RASGEF1C: variants seen among roughly 807,000 people sequenced by gnomAD.
The protein encoded by RASGEF1C is RasGEF domain family member 1C, also known as ras-GEF domain-containing family member 1C.
A neutral mutation model predicts 58.1 loss-of-function variants in RASGEF1C; 27 were observed. The ratio of observed to expected loss-of-function variants is 0.46; its 90% CI spans 0.34 to 0.64. The LOEUF is 0.64. Ranked by LOEUF, RASGEF1C falls within the 30% of genes least tolerant of loss-of-function variation. RASGEF1C has a pLI of 0.01. For synonymous variants in RASGEF1C, 243 were observed against 246.3 expected (o/e 0.99, Z 0.13); for missense variants, 502 against 605.1 (o/e 0.83, Z 1.79).
At chr5:180,124,969 C>CA (rs766551870) in intron 6 of RASGEF1C, among the ~76,000 whole-genome samples, 4 of 151,942 alleles carry the variant, frequency 2.6e-5, no homozygotes, top group Non-Finnish European at 5.9e-5. Flanking sequence ...CCTGTCTCCA[C>CA]AAAAAATACC....
At chr5:180,127,506 G>C in intron 6 of RASGEF1C, 103 bp downstream of exon 6, 14 of 1,177,550 alleles carry the variant, frequency 1.2e-5, no homozygotes, top group Non-Finnish European at 1.6e-5. Context: ...GTCCCACTCT[G>C]GGCCACTCCA....
intron 1 of RASGEF1C, among the ~76,000 whole-genome samples, chr5:180,208,424 T>G (rs1195539581): frequency 6.6e-6 from 1 of 151,978 alleles, no homozygotes; most frequent in Non-Finnish European, 1.5e-5. Context: ...GCTTTCCCAA[T>G]CTAAATACAA....
chr5:180,170,405 G>T (rs544324940), intron 1 of RASGEF1C, among the ~76,000 whole-genome samples: 3 of 152,360 alleles, frequency 2.0e-5, no homozygotes, highest in Admixed American at 2.0e-4. Context: ...CGGGCTCTGT[G>T]TGAAAATCCC....
intron 1 of RASGEF1C, among the ~76,000 whole-genome samples, chr5:180,160,899 T>C (rs1766930471): frequency 6.6e-6 from 1 of 152,236 alleles, no homozygotes; most frequent in African/African-American, 2.4e-5. Flanking sequence ...CATCTGTGTT[T>C]ACAGTATAAC....
intron 1 of RASGEF1C, among the ~76,000 whole-genome samples, chr5:180,190,487 C>T (rs1398108820): frequency 2.2e-5 from 1 of 44,644 alleles, no homozygotes; most frequent in African/African-American, 7.8e-5. Context: ...GAGACTCCGT[C>T]TCAAAAAAAA....
rs574846614 is a variant in RASGEF1C at position 180,174,408 on chromosome 5, G to A, written c.-7+34620C>T. On this transcript the variant is annotated intron_variant, in intron 1 of 13. Coordinates refer to ENST00000361132, the MANE Select transcript of RASGEF1C (RefSeq NM_175062.4). ...CAGAGATGCATGTGTGTGCGTCTGT[G>A]TGTGCGTGCGTGCATGTGCACACGT... is the stretch of plus-strand genomic sequence containing the variant. Among the ~76,000 whole-genome samples the A allele has an allele frequency of 7.3e-5, 11 of 150,960 alleles. No homozygotes were observed. The South Asian group carries it at 2.3e-3, about 32-fold the overall frequency.
chr5:180,102,207 G>T, intron 12 of RASGEF1C, 64 bp from the exon 13 acceptor site: 1 of 950,578 alleles, frequency 1.1e-6, no homozygotes, highest in Non-Finnish European at 1.7e-6. Context: ...TTCTACACCT[G>T]CTATATCTGC....
intron 1 of RASGEF1C, among the ~76,000 whole-genome samples, chr5:180,141,148 A>G (rs559831441): frequency 3.9e-4 from 59 of 152,364 alleles, no homozygotes; most frequent in African/African-American, 1.1e-3. Flanking sequence ...AAAAGGTAGC[A>G]TACTGTCCAC....
intron 1 of RASGEF1C, among the ~76,000 whole-genome samples, chr5:180,166,917 C>A (rs1290337401): frequency 1.3e-5 from 2 of 152,142 alleles, no homozygotes; most frequent in Admixed American, 1.3e-4. Context: ...TCTGAAAGGA[C>A]GTCCACAGTC....
intron 1 of RASGEF1C, among the ~76,000 whole-genome samples, chr5:180,191,196 G>A (rs1392453997): frequency 6.6e-6 from 1 of 152,150 alleles, no homozygotes; most frequent in African/African-American, 2.4e-5. Flanking sequence ...TAGAGAAAAT[G>A]TACTGGTTCA....
chr5:180,173,887 TG>T (rs750665181), intron 1 of RASGEF1C, among the ~76,000 whole-genome samples: 22 of 142,430 alleles, frequency 1.5e-4, no homozygotes, highest in East Asian at 4.1e-4. Context: ...CACTCCAGCC[TG>T]GGCAACAGAG....
chr5:180,115,213 A>C, intron 10 of RASGEF1C: 1 of 380,804 alleles, frequency 2.6e-6, no homozygotes, highest in Non-Finnish European at 5.2e-6. Context: ...CGGGGGTTTC[A>C]CCATGTTGGC....
chr5:180,160,585 T>A (rs1196360461), intron 1 of RASGEF1C, among the ~76,000 whole-genome samples: 1 of 152,122 alleles, frequency 6.6e-6, no homozygotes, highest in African/African-American at 2.4e-5. Flanking sequence ...CAGCTTTGCC[T>A]CTGGGAAGGA....
At chr5:180,159,518 C>T (rs868763981) in intron 1 of RASGEF1C, among the ~76,000 whole-genome samples, 11 of 152,314 alleles carry the variant, frequency 7.2e-5, no homozygotes, top group Middle Eastern at 6.8e-3. Flanking sequence ...TCCTTATTTG[C>T]CCTGCTCTCC....
At chr5:180,135,806 G>A (rs959271668) in intron 4 of RASGEF1C, among the ~76,000 whole-genome samples, 1 of 152,250 alleles carries the variant, frequency 6.6e-6, no homozygotes, top group African/African-American at 2.4e-5. Context: ...GCAGGGGGAG[G>A]TCTTGTCCCC....
intron 1 of RASGEF1C, among the ~76,000 whole-genome samples, chr5:180,172,733 C>A (rs921390483): frequency 1.6e-4 from 24 of 152,216 alleles, no homozygotes; most frequent in Non-Finnish European, 2.9e-4. Flanking sequence ...ACCTCTGCCA[C>A]CTGCTCCCCA....
rs73810999 is a variant in RASGEF1C at position 180,119,529 on chromosome 5, C to A, written c.805-81G>T. The A allele has an allele frequency of 4.0e-3, 4,169 of 1,045,280 alleles. 116 individuals carry two copies. The African/African-American group carries it at 0.057, about 14-fold the overall frequency. The allele number at this position is 1,045,280 out of a possible 1,614,324, so 64.8% of individuals were successfully genotyped here. On this transcript the variant is annotated intron_variant, in intron 7 of 13. Coordinates refer to ENST00000361132, the MANE Select transcript of RASGEF1C (RefSeq NM_175062.4). ...AGGCCCGCTCCCCTCACCTGGCCCG[C>A]TTCACCTTCTCTAAACCCATTGCAC...
intron 1 of RASGEF1C, among the ~76,000 whole-genome samples, chr5:180,159,234 G>A (rs1166969365): frequency 6.6e-6 from 1 of 151,616 alleles, no homozygotes; most frequent in Non-Finnish European, 1.5e-5. Flanking sequence ...TTGCCTCCCA[G>A]GTTCAAGCGA....
rs906398122 is a variant in RASGEF1C at position 180,168,182 on chromosome 5, G to A, written c.-6-30124C>T. Among the ~76,000 whole-genome samples the A allele has an allele frequency of 3.3e-5, 5 of 152,186 alleles. No homozygotes were observed. Among genetic ancestry groups the A allele is most frequent in the Non-Finnish European group, 7.3e-5 (5 of 68,032 alleles). ...GCAGTGGCTCACACCTGTAATCCCA[G>A]CACTTTGGGAGGCTGAGGTGGGCAG... On this transcript the variant is annotated intron_variant, in intron 1 of 13. Transcript: ENST00000361132. The surrounding 1 kb of genome is among the most constrained non-coding windows in gnomAD (Gnocchi z 6.0).
Sources: allele counts gnomAD v4.1 joint callset (sites outside exome capture counted in the v4.1 genomes callset), GRCh38; gene constraint gnomAD v4.1.1; non-coding constraint Gnocchi (gnomAD v3.1); transcripts MANE v1.5; gene names NCBI Gene and HGNC (gene_info 2026-07-23, HGNC 2026-07-21).